Variants in GMDS observed in about 807,000 individuals in gnomAD.
The protein encoded by GMDS is GDP-mannose 4,6 dehydratase.
Under a neutral mutation model 49.9 loss-of-function variants are expected in GMDS, and 20 were observed. The ratio of observed to expected loss-of-function variants is 0.40; its 90% CI spans 0.28 to 0.58. GMDS has a LOEUF of 0.58. GMDS is among the 20% of genes least tolerant of loss of function. The probability of loss-of-function intolerance (pLI) is 0.42; values close to 1 mark genes in which losing one functional copy is unlikely to be tolerated. For synonymous variants in GMDS, 177 were observed against 178.6 expected (o/e 0.99, Z 0.07); for missense variants, 362 against 481.4 (o/e 0.75, Z 2.32).
chr6:2,042,495 C>T (rs1288400604), intron 4 of GMDS, among the ~76,000 whole-genome samples: 1 of 152,178 alleles, frequency 6.6e-6, no homozygotes, highest in Non-Finnish European at 1.5e-5. Flanking sequence ...CTATACACCT[C>T]TCTCCAAAGC....
intron 7 of GMDS, among the ~76,000 whole-genome samples, chr6:1,796,021 G>A (rs1769720747): frequency 6.6e-6 from 1 of 152,234 alleles, no homozygotes; most frequent in Non-Finnish European, 1.5e-5. Context: ...GGAAGAGAAA[G>A]TGGTAACCAG....
chr6:1,693,376 C>A (rs141005679), intron 9 of GMDS, among the ~76,000 whole-genome samples: 161 of 152,340 alleles, frequency 1.1e-3, no homozygotes, highest in African/African-American at 3.7e-3. Flanking sequence ...CTTACCAGTC[C>A]GGCTGCCCTG....
At chr6:1,928,510 C>T (rs1762132656) in intron 7 of GMDS, among the ~76,000 whole-genome samples, 1 of 151,992 alleles carries the variant, frequency 6.6e-6, no homozygotes, top group South Asian at 2.1e-4. Context: ...TAGGTAAGGT[C>T]ATTTAGGTTA....
intron 4 of GMDS, among the ~76,000 whole-genome samples, chr6:2,013,635 G>T (rs1219130902): frequency 3.9e-5 from 6 of 151,914 alleles, no homozygotes; most frequent in African/African-American, 7.2e-5. Context: ...TGATAGAAAT[G>T]AAAACACTGA....
At chr6:1,719,929 C>A (rs951376026) in intron 9 of GMDS, among the ~76,000 whole-genome samples, 1 of 152,150 alleles carries the variant, frequency 6.6e-6, no homozygotes, top group Non-Finnish European at 1.5e-5. Flanking sequence ...GATAGTCAGC[C>A]ATCACCTGGA....
chr6:1,786,099 T>C (rs995785716), intron 7 of GMDS, among the ~76,000 whole-genome samples: 1 of 152,224 alleles, frequency 6.6e-6, no homozygotes, highest in Admixed American at 6.5e-5. Flanking sequence ...GTCCGAGAAT[T>C]TGGAGACGGT....
intron 7 of GMDS, among the ~76,000 whole-genome samples, chr6:1,817,967 G>A (rs1405814156): frequency 6.6e-6 from 1 of 152,044 alleles, no homozygotes; most frequent in African/African-American, 2.4e-5. Flanking sequence ...AGCTAAAAAG[G>A]GGGAAAAAGT....
intron 7 of GMDS, among the ~76,000 whole-genome samples, chr6:1,859,814 C>G (rs529238484): frequency 6.6e-6 from 1 of 152,326 alleles, no homozygotes; most frequent in East Asian, 1.9e-4. Flanking sequence ...CATTTGATCT[C>G]TGAATCAGAA....
At chr6:2,038,929 C>T (rs1051466021) in intron 4 of GMDS, among the ~76,000 whole-genome samples, 12 of 152,154 alleles carry the variant, frequency 7.9e-5, no homozygotes, top group African/African-American at 2.7e-4. Flanking sequence ...GCTTGAATTC[C>T]GCTAACATAC....
chr6:2,245,444 C>A lies in GMDS; in HGVS notation c.-22G>T, dbSNP rs908528837. On this transcript the variant is annotated 5_prime_UTR_variant, in exon 1 of 11. Transcript: ENST00000380815. Reference sequence around the variant, plus strand: ...CCATGTCCCGCGGCGGGCGTGCGGTCGGCGGCAGGGCGGAGCGCGGCAGAG... The same window carrying A: ...CCATGTCCCGCGGCGGGCGTGCGGTAGGCGGCAGGGCGGAGCGCGGCAGAG... 4.9e-6 allele frequency: 7 copies of A among 1,414,616 alleles called. No homozygotes were observed. The highest frequency in any genetic ancestry group is 1.4e-5 in the South Asian group (1 of 69,678). The allele number at this position is 1,414,616 out of a possible 1,614,324, so 87.6% of individuals were successfully genotyped here. A position where few individuals can be genotyped will look rare whatever the true frequency, so the allele number is the denominator to read the frequency against.
intron 4 of GMDS, among the ~76,000 whole-genome samples, chr6:2,104,010 C>T (rs1394524850): frequency 6.6e-6 from 1 of 152,140 alleles, no homozygotes. Flanking sequence ...GAATGTTTGC[C>T]TGATTCGTGG....
At chr6:1,744,003 A>C (rs1214155383) in intron 7 of GMDS, among the ~76,000 whole-genome samples, 1 of 152,182 alleles carries the variant, frequency 6.6e-6, no homozygotes, top group Non-Finnish European at 1.5e-5. Context: ...GCGTCTCCCT[A>C]AGTTGTTCCT....
At chr6:1,876,849 T>A (rs1217430998) in intron 7 of GMDS, among the ~76,000 whole-genome samples, 3 of 152,240 alleles carry the variant, frequency 2.0e-5, no homozygotes, top group Non-Finnish European at 2.9e-5. Flanking sequence ...GTAAAGAGGT[T>A]CTCTGATCAT....
At chr6:1,958,347 A>G (rs550880886) in intron 6 of GMDS, among the ~76,000 whole-genome samples, 1 of 152,150 alleles carries the variant, frequency 6.6e-6, no homozygotes, top group Non-Finnish European at 1.5e-5. Flanking sequence ...AAACCCAAAC[A>G]ATGTGTATGA....
At chr6:2,167,943 G>A (rs1025376078) in intron 1 of GMDS, among the ~76,000 whole-genome samples, 2 of 152,174 alleles carry the variant, frequency 1.3e-5, no homozygotes, top group East Asian at 1.9e-4. Flanking sequence ...TTAAATAAGC[G>A]AACAAATGGC....
intron 1 of GMDS, among the ~76,000 whole-genome samples, chr6:2,154,787 T>G (rs527365883): frequency 6.7e-6 from 1 of 148,344 alleles, no homozygotes; most frequent in African/African-American, 2.6e-5. Flanking sequence ...ACCTGAACTT[T>G]TGGCCAGACC....
chr6:2,179,913 G>C (rs1274755369), intron 1 of GMDS, among the ~76,000 whole-genome samples: 2 of 151,988 alleles, frequency 1.3e-5, no homozygotes, highest in African/African-American at 4.8e-5. Flanking sequence ...CCATCGTTTA[G>C]AAATAGAAAT....
intron 7 of GMDS, among the ~76,000 whole-genome samples, chr6:1,853,293 C>T (rs912995444): frequency 5.2e-4 from 78 of 151,236 alleles, no homozygotes; most frequent in Non-Finnish European, 7.5e-4. Context: ...CCGAGGCGGG[C>T]GGATCACGAG....
intron 8 of GMDS, among the ~76,000 whole-genome samples, chr6:1,738,072 CCA>C (rs1561769726): frequency 1.7e-4 from 23 of 135,350 alleles, no homozygotes; most frequent in African/African-American, 4.9e-4. Flanking sequence ...TACACACATA[CCA>C]CACACACACC....
Sources: allele counts gnomAD v4.1 joint callset (sites outside exome capture counted in the v4.1 genomes callset), GRCh38; gene constraint gnomAD v4.1.1; transcripts MANE v1.5; gene names NCBI Gene and HGNC (gene_info 2026-07-23, HGNC 2026-07-21).